The following PBLD variants were observed in gnomAD, a reference collection of about 807,000 sequenced individuals.
PBLD encodes phenazine biosynthesis like protein domain containing, also known as phenazine biosynthesis-like domain-containing protein.
A neutral mutation model predicts 31.3 loss-of-function variants in PBLD; 26 were observed. The observed-to-expected ratio is 0.83, with a 90% CI of 0.61 to 1.15. PBLD has a LOEUF of 1.15. Among genes scored for constraint, PBLD ranks in the 50% most tolerant of loss-of-function variants. PBLD has a pLI of 0.00. For synonymous variants in PBLD, 114 were observed against 129.0 expected (o/e 0.88, Z 0.79); for missense variants, 307 against 351.7 (o/e 0.87, Z 1.02).
At chr10:68,285,482 A>G in intron 8 of PBLD, 72 bp from the exon 9 acceptor site, 1 of 1,527,214 alleles carries the variant, frequency 6.5e-7, no homozygotes, top group East Asian at 2.3e-5. Flanking sequence ...ATTTCTAAGC[A>G]ATTACAATCA....
At chr10:68,308,306 TGTAAA>T (rs1258636675) in intron 1 of PBLD, among the ~76,000 whole-genome samples, 4 of 152,232 alleles carry the variant, frequency 2.6e-5, no homozygotes, top group Non-Finnish European at 5.9e-5. Context: ...ATTTTTCACT[TGTAAA>T]GATAATGCAG....
Position 68,292,047 on chromosome 10 carries a change from G to A in PBLD, c.394-8C>T, listed in dbSNP as rs768542804. On this transcript the variant is annotated splice_polypyrimidine_tract_variant and splice_region_variant and intron_variant, in intron 5 of 9. Transcript: ENST00000358769. ...CTCTACTTCATGGAAGTCCTAGATG[G>A]GGGGAAAAAAAACAAAATTATTATA... 6.3e-7 allele frequency: 1 copy of A among 1,587,296 alleles called. No individual in the cohort carries two copies. Among genetic ancestry groups the A allele is most frequent in the Non-Finnish European group, 8.6e-7 (1 of 1,158,924 alleles).
At chr10:68,320,628 C>G (rs532367742) in intron 1 of PBLD, among the ~76,000 whole-genome samples, 1 of 151,804 alleles carries the variant, frequency 6.6e-6, no homozygotes, top group Non-Finnish European at 1.5e-5. Context: ...CAATATATTG[C>G]TTTTTTATTT....
chr10:68,307,522 C>T (rs541571912), intron 1 of PBLD, among the ~76,000 whole-genome samples: 2 of 151,662 alleles, frequency 1.3e-5, no homozygotes, highest in Non-Finnish European at 2.9e-5. Flanking sequence ...TTTTTTGAGA[C>T]GGAGCATCGC....
intron 2 of PBLD, among the ~76,000 whole-genome samples, chr10:68,298,810 G>C (rs1292342725): frequency 6.6e-6 from 1 of 150,384 alleles, no homozygotes; most frequent in African/African-American, 2.5e-5. Context: ...CTTAACTCAA[G>C]AAAAAAGTGG....
intron 1 of PBLD, among the ~76,000 whole-genome samples, chr10:68,309,610 C>A (rs1378013327): frequency 6.7e-6 from 1 of 149,144 alleles, no homozygotes; most frequent in Non-Finnish European, 1.5e-5. Context: ...GAGATCGAGA[C>A]CATCCTGGCC....
At chr10:68,312,777 AT>A (rs542218668) in intron 1 of PBLD, among the ~76,000 whole-genome samples, 1 of 148,144 alleles carries the variant, frequency 6.8e-6, no homozygotes, top group African/African-American at 2.5e-5. Context: ...GGCCTGGCTA[AT>A]TTTTTTGTAT....
At chr10:68,296,862 TAAA>T (rs60698417) in intron 3 of PBLD, 21 bp downstream of exon 3, 80 of 1,212,424 alleles carry the variant, frequency 6.6e-5, no homozygotes, top group Non-Finnish European at 8.1e-5. Flanking sequence ...GAACAGTTCT[TAAA>T]AAAAAAAAAT....
chr10:68,284,759 G>A (rs983330508), intron 9 of PBLD, among the ~76,000 whole-genome samples: 3 of 152,322 alleles, frequency 2.0e-5, no homozygotes, highest in Admixed American at 1.3e-4. Context: ...AAGCAACCAC[G>A]TGTTCCAGGC....
At chr10:68,288,350 T>C (rs775671424) in intron 8 of PBLD, 133 bp downstream of exon 8, 29 of 922,984 alleles carry the variant, frequency 3.1e-5, no homozygotes, top group Non-Finnish European at 4.6e-5. Flanking sequence ...ATGGCAGGGA[T>C]GGGGAAAGAT....
intron 1 of PBLD, among the ~76,000 whole-genome samples, chr10:68,328,786 A>G (rs1465196080): frequency 6.7e-6 from 1 of 149,040 alleles, no homozygotes; most frequent in Non-Finnish European, 1.5e-5. Flanking sequence ...TGCAAATGAG[A>G]ATCGTTGACA....
At chr10:68,326,803 C>T (rs1339267134) in intron 1 of PBLD, among the ~76,000 whole-genome samples, 1 of 152,124 alleles carries the variant, frequency 6.6e-6, no homozygotes, top group Non-Finnish European at 1.5e-5. Flanking sequence ...AATCTCAGCA[C>T]TTTGGGAGGC....
intron 8 of PBLD, 27 bp downstream of exon 8, chr10:68,288,456 C>A: frequency 1.2e-6 from 2 of 1,606,734 alleles, no homozygotes; most frequent in African/African-American, 1.3e-5. Flanking sequence ...ATTGTTTAAC[C>A]CTCCCCTGGG....
intron 1 of PBLD, among the ~76,000 whole-genome samples, chr10:68,319,045 GAA>G (rs1491582775): frequency 8.1e-4 from 87 of 107,388 alleles, no homozygotes; most frequent in African/African-American, 3.1e-3. Flanking sequence ...AAGAAAGAAA[GAA>G]AGAGAGAGAA....
rs576099062 is a variant in PBLD at position 68,325,131 on chromosome 10, C to T, written c.-60+7653G>A. 7.9e-5 allele frequency among the ~76,000 whole-genome samples: 12 copies of T among 151,846 alleles called. No individual in the cohort carries two copies. The South Asian group carries it at 1.2e-3, about 16-fold the overall frequency. On this transcript the variant is annotated intron_variant, in intron 1 of 9. Transcript: ENST00000358769. ...CGGTGGCAGGCACCTGTAATCCCAG[C>T]GACTCGGGAGGCTGAGGCAGGAGAA...
intron 2 of PBLD, among the ~76,000 whole-genome samples, chr10:68,303,442 T>C (rs9415900): frequency 1 from 151,856 of 151,856 alleles, 75,928 homozygotes; most frequent in Non-Finnish European, 1. Flanking sequence ...AGCCGTTAAT[T>C]TGTTTTTGTT....
Position 68,314,986 on chromosome 10 carries a change from C to T in PBLD, c.-59-8083G>A, listed in dbSNP as rs570312091. ...TGTATTTTTAGTTGAGACGGGGTTT[C>T]GCCATGTTGGTCAGGCTGGTCTCGA... On this transcript the variant is annotated intron_variant, in intron 1 of 9. Transcript: ENST00000358769. Among the ~76,000 whole-genome samples, 12 of 152,046 alleles carry T rather than the reference C, an allele frequency of 7.9e-5. No homozygotes were observed. The East Asian group carries it at 9.7e-4, about 12-fold the overall frequency.
At chr10:68,305,275 T>A (rs2044560866) in intron 2 of PBLD, among the ~76,000 whole-genome samples, 2 of 151,084 alleles carry the variant, frequency 1.3e-5, no homozygotes, top group South Asian at 4.2e-4. Flanking sequence ...TCCTCCTTTT[T>A]TTTTTTTTTT....
chr10:68,288,721 A>T, intron 7 of PBLD, 60 bp from the exon 8 acceptor site: 1 of 1,559,946 alleles, frequency 6.4e-7, no homozygotes, highest in Non-Finnish European at 8.8e-7. Context: ...CACCACACAG[A>T]CTCTGTGAAG....
Sources: allele counts gnomAD v4.1 joint callset (sites outside exome capture counted in the v4.1 genomes callset), GRCh38; gene constraint gnomAD v4.1.1; transcripts MANE v1.5; gene names NCBI Gene and HGNC (gene_info 2026-07-23, HGNC 2026-07-21).